The following THSD4 variants were observed in gnomAD, a reference collection of about 807,000 sequenced individuals.
THSD4 encodes the protein thrombospondin type-1 domain-containing protein 4.
THSD4 carries 69 observed loss-of-function variants against 119.0 expected under a neutral mutation model. The observed-to-expected ratio is 0.58, with a 90% CI of 0.48 to 0.71. The LOEUF is 0.71. Among genes scored for constraint, THSD4 ranks in the 30% least tolerant of loss-of-function variants. THSD4 has a pLI of 0.00. For missense variants in THSD4, 1,393 were observed against 1,391.1 expected (o/e 1.00, Z -0.02); for synonymous variants, 524 against 540.4 (o/e 0.97, Z 0.42).
chr15:71,519,561 C>T lies in THSD4; in HGVS notation c.1152+107738C>T, dbSNP rs559454361. Among the ~76,000 whole-genome samples, 161 of 152,248 alleles carry T rather than the reference C, an allele frequency of 1.1e-3. 1 individual carries two copies. Among genetic ancestry groups the T allele is most frequent in the African/African-American group, 3.5e-3 (144 of 41,544 alleles). On this transcript the variant is annotated intron_variant, in intron 7 of 17. Coordinates refer to ENST00000261862, the MANE Select transcript of THSD4 (RefSeq NM_024817.3). The stretch of plus-strand genomic sequence containing the variant: ...ATTTTTAATAGAGACAGTGTTTCAC[C>T]GTGTTGGCCAGGTTGGTCTCAAACT...
At chr15:71,399,720 T>C (rs1259189850) in intron 6 of THSD4, among the ~76,000 whole-genome samples, 2 of 152,272 alleles carry the variant, frequency 1.3e-5, no homozygotes, top group Middle Eastern at 3.4e-3. Context: ...TGGCATCACC[T>C]GGGAACTTGT....
At chr15:71,297,482 C>T (rs780792010) in intron 6 of THSD4, among the ~76,000 whole-genome samples, 1 of 151,982 alleles carries the variant, frequency 6.6e-6, no homozygotes, top group African/African-American at 2.4e-5. Context: ...ATTACAGGCA[C>T]GTGCCCCCAT....
At chr15:71,144,606 G>GATTT (rs1049192151) in intron 2 of THSD4, among the ~76,000 whole-genome samples, 121 of 152,256 alleles carry the variant, frequency 7.9e-4, no homozygotes, top group African/African-American at 2.8e-3. Flanking sequence ...GATACACAGA[G>GATTT]ATTTCATTTA....
chr15:71,121,354 T>C (rs991204948), intron 1 of THSD4, among the ~76,000 whole-genome samples: 1 of 152,016 alleles, frequency 6.6e-6, no homozygotes, highest in Non-Finnish European at 1.5e-5. Flanking sequence ...ACTTGAATGT[T>C]AGCTATCACT....
chr15:71,127,297 G>A (rs773935664), intron 1 of THSD4, among the ~76,000 whole-genome samples: 4 of 152,166 alleles, frequency 2.6e-5, no homozygotes, highest in Non-Finnish European at 4.4e-5. Context: ...ATATGCATAG[G>A]TATACCATGT....
At chr15:71,644,022 A>T (rs974274598) in intron 7 of THSD4, among the ~76,000 whole-genome samples, 24 of 152,218 alleles carry the variant, frequency 1.6e-4, no homozygotes, top group African/African-American at 5.8e-4. Flanking sequence ...CTTAAAGATT[A>T]TGAAAATACT....
chr15:71,111,804 A>G (rs2040307326), upstream of THSD4: 7 of 526,046 alleles, frequency 1.3e-5, no homozygotes, highest in Non-Finnish European at 2.3e-5. Context: ...TCTGAAGCAC[A>G]GTTAGGATGA....
chr15:71,211,534 T>C (rs1482963693), intron 3 of THSD4, among the ~76,000 whole-genome samples: 1 of 152,052 alleles, frequency 6.6e-6, no homozygotes, highest in African/African-American at 2.4e-5. Context: ...CATGGGGGCC[T>C]CACCCTCATG....
chr15:71,362,118 A>T (rs2045899689), intron 6 of THSD4, among the ~76,000 whole-genome samples: 1 of 152,184 alleles, frequency 6.6e-6, no homozygotes, highest in East Asian at 1.9e-4. Context: ...CTCTACTAAA[A>T]ATACAAAATA....
chr15:71,571,098 G>T (rs144738246), intron 7 of THSD4, among the ~76,000 whole-genome samples: 1 of 152,086 alleles, frequency 6.6e-6, no homozygotes, highest in Non-Finnish European at 1.5e-5. Flanking sequence ...CCACCGTGTC[G>T]GCGGAACATG....
chr15:71,550,124 G>A (rs913255959), intron 7 of THSD4, among the ~76,000 whole-genome samples: 4 of 152,212 alleles, frequency 2.6e-5, no homozygotes, highest in Admixed American at 2.0e-4. Context: ...GTGTACACTT[G>A]TACAGATGGG....
chr15:71,231,876 G>T (rs1248009004), intron 4 of THSD4, among the ~76,000 whole-genome samples: 1 of 152,168 alleles, frequency 6.6e-6, no homozygotes, highest in Admixed American at 6.5e-5. Flanking sequence ...AGGAATTTCA[G>T]TCTTAGAACT....
At chr15:71,572,101 T>A (rs1013318728) in intron 7 of THSD4, among the ~76,000 whole-genome samples, 2 of 151,898 alleles carry the variant, frequency 1.3e-5, no homozygotes, top group African/African-American at 4.9e-5. Context: ...AGAGAAAAAA[T>A]TTTAAAAAGC....
chr15:71,260,138 C>T (rs763440619), intron 6 of THSD4, among the ~76,000 whole-genome samples: 20 of 152,154 alleles, frequency 1.3e-4, no homozygotes, highest in Non-Finnish European at 2.6e-4. Flanking sequence ...CTATGCAAAC[C>T]ACAAAGAAAA....
intron 6 of THSD4, among the ~76,000 whole-genome samples, chr15:71,257,119 T>C (rs2044326882): frequency 6.6e-6 from 1 of 152,004 alleles, no homozygotes; most frequent in Non-Finnish European, 1.5e-5. Flanking sequence ...ACATGTGGGG[T>C]TGTACAGTTG....
At chr15:71,615,922 G>A (rs988342513) in intron 7 of THSD4, among the ~76,000 whole-genome samples, 2 of 152,198 alleles carry the variant, frequency 1.3e-5, no homozygotes, top group South Asian at 2.1e-4. Flanking sequence ...CTGAGCTCCT[G>A]TAACCTTCTG....
At chr15:71,427,588 G>A (rs537946442) in intron 7 of THSD4, among the ~76,000 whole-genome samples, 1 of 148,566 alleles carries the variant, frequency 6.7e-6, no homozygotes, top group African/African-American at 2.5e-5. Flanking sequence ...TGTATGCCAA[G>A]CCTCTAGCCC....
At chr15:71,404,734 C>T (rs1390385891) in intron 6 of THSD4, among the ~76,000 whole-genome samples, 5 of 152,196 alleles carry the variant, frequency 3.3e-5, no homozygotes, top group African/African-American at 1.2e-4. Context: ...ATAACAGCAA[C>T]AAGGTGCCAT....
intron 5 of THSD4, among the ~76,000 whole-genome samples, chr15:71,250,836 T>A (rs896668243): frequency 5.9e-5 from 9 of 152,138 alleles, no homozygotes; most frequent in Non-Finnish European, 1.0e-4. Context: ...AGTGTCATAT[T>A]AACATCCTTT....
Sources: gnomAD v4.1 joint callset for allele counts (sites outside exome capture counted in the v4.1 genomes callset) on GRCh38, gnomAD v4.1.1 for gene constraint, MANE v1.5 for transcripts, NCBI Gene and HGNC (gene_info 2026-07-23, HGNC 2026-07-21) for gene names.